Variants in UNC13C observed in about 807,000 individuals in gnomAD.
UNC13C encodes protein unc-13 homolog C.
In UNC13C, 174 loss-of-function variants were observed where a neutral mutation model predicts 245.4. The observed-to-expected ratio is 0.71, with a 90% CI of 0.63 to 0.80. The LOEUF is 0.80. Ranked by LOEUF, UNC13C falls within the 30% of genes least tolerant of loss-of-function variation. The probability of loss-of-function intolerance (pLI) is 0.00; values close to 1 mark genes in which losing one functional copy is unlikely to be tolerated. For synonymous variants in UNC13C, 992 were observed against 895.1 expected, an observed-to-expected ratio of 1.11 and a Z score of -1.93; for missense variants, 2,829 against 2,602.9, an observed-to-expected ratio of 1.09 and a Z score of -1.89.
chr15:54,299,003 G>A (rs1157551603), intron 12 of UNC13C, among the ~76,000 whole-genome samples: 1 of 152,068 alleles, frequency 6.6e-6, no homozygotes, highest in African/African-American at 2.4e-5. Context: ...CACGATTTAG[G>A]TATAGGACCT....
At chr15:54,285,805 C>T (rs2037129413) in intron 10 of UNC13C, among the ~76,000 whole-genome samples, 1 of 150,026 alleles carries the variant, frequency 6.7e-6, no homozygotes, top group South Asian at 2.1e-4. Context: ...ACGCTTATAG[C>T]TTATTTTAAT....
At chr15:54,505,442 A>T (rs560532653) in intron 22 of UNC13C, among the ~76,000 whole-genome samples, 1 of 152,320 alleles carries the variant, frequency 6.6e-6, no homozygotes, top group South Asian at 2.1e-4. Context: ...GTAATTTAGG[A>T]TAGGACCAAA....
chr15:53,845,068 GAAA>G, the UNC13C span, among the ~76,000 whole-genome samples: 1 of 152,142 alleles, frequency 6.6e-6, no homozygotes, highest in East Asian at 1.9e-4. Flanking sequence ...GCTCACGTCT[GAAA>G]TCCCAGCACT....
Position 54,070,432 on chromosome 15 carries a change from A to C in UNC13C, c.2983+54546A>C, listed in dbSNP as rs576766464. Among the ~76,000 whole-genome samples, 12 of 152,278 alleles carry C rather than the reference A, an allele frequency of 7.9e-5. No individual in the cohort carries two copies. In the East Asian group the frequency reaches 1.9e-3, roughly 24 times the overall value. Reference sequence around the variant, plus strand: ...TGCTACAGGGGCTTCAAGGCAGGCAAGTTACCACCAGCTGCAAGTAAAAGC... The same window carrying C: ...TGCTACAGGGGCTTCAAGGCAGGCACGTTACCACCAGCTGCAAGTAAAAGC... On this transcript the variant is annotated intron_variant, in intron 2 of 32. Coordinates refer to ENST00000260323, the MANE Select transcript of UNC13C (RefSeq NM_001080534.3).
intron 13 of UNC13C, among the ~76,000 whole-genome samples, chr15:54,307,201 C>T (rs1355508125): frequency 1.3e-5 from 2 of 151,936 alleles, no homozygotes; most frequent in Non-Finnish European, 2.9e-5. Flanking sequence ...ATTTATTTCT[C>T]ACAGTCCTGG....
intron 5 of UNC13C, among the ~76,000 whole-genome samples, chr15:54,235,372 A>G (rs1204998702): frequency 1.3e-5 from 2 of 152,214 alleles, no homozygotes; most frequent in African/African-American, 4.8e-5. Context: ...GAGCAAAAAG[A>G]AATCACACAG....
At chr15:54,203,735 TACATATATATGTATATATAC>T (rs199545584) in intron 4 of UNC13C, among the ~76,000 whole-genome samples, 23,911 of 144,440 alleles carry the variant, frequency 0.17, 2,375 homozygotes, top group Non-Finnish European at 0.22. Flanking sequence ...TATACACATA[TACATATATATGTATATATAC>T]ACATATATAT....
chr15:54,313,423 T>C (rs2037926073), intron 13 of UNC13C, among the ~76,000 whole-genome samples: 1 of 151,852 alleles, frequency 6.6e-6, no homozygotes, highest in Non-Finnish European at 1.5e-5. Flanking sequence ...GAAAACACTG[T>C]GCTAAATATG....
chr15:54,079,271 C>T (rs79494349), intron 2 of UNC13C, among the ~76,000 whole-genome samples: 3,795 of 151,942 alleles, frequency 0.025, 153 homozygotes, highest in African/African-American at 0.084. Context: ...TTCTTTTTTG[C>T]GTAGGATTAC....
At chr15:54,556,729 AT>A (rs1398668486) in intron 29 of UNC13C, among the ~76,000 whole-genome samples, 2 of 100,230 alleles carry the variant, frequency 2.0e-5, no homozygotes, top group African/African-American at 8.5e-5. Flanking sequence ...TAATAGCTTT[AT>A]AAAAGGACAT....
intron 19 of UNC13C, among the ~76,000 whole-genome samples, chr15:54,486,201 G>A (rs569037631): frequency 2.9e-4 from 44 of 149,834 alleles, no homozygotes; most frequent in South Asian, 1.7e-3. Flanking sequence ...CTTGAGGTTA[G>A]GAGTTTGAGA....
intron 12 of UNC13C, among the ~76,000 whole-genome samples, chr15:54,299,242 A>G (rs2037513220): frequency 6.6e-6 from 1 of 152,114 alleles, no homozygotes; most frequent in Non-Finnish European, 1.5e-5. Context: ...ATCTAAGAAA[A>G]AGTCCTTCAG....
the UNC13C span, among the ~76,000 whole-genome samples, chr15:53,917,794 CTA>C: frequency 6.6e-6 from 1 of 152,172 alleles, no homozygotes; most frequent in Admixed American, 6.5e-5. Flanking sequence ...GGATTTGAGA[CTA>C]TGTAAAATTC....
At chr15:54,609,846 A>G (rs924737107) in intron 30 of UNC13C, among the ~76,000 whole-genome samples, 1 of 152,198 alleles carries the variant, frequency 6.6e-6, no homozygotes, top group African/African-American at 2.4e-5. Context: ...GAAACTTACA[A>G]TCATGGCAGA....
chr15:54,156,492 G>T (rs1361177980), intron 4 of UNC13C, among the ~76,000 whole-genome samples: 1 of 152,098 alleles, frequency 6.6e-6, no homozygotes, highest in Admixed American at 6.5e-5. Context: ...AGTTATTCCA[G>T]AGTCACAGAG....
intron 10 of UNC13C, among the ~76,000 whole-genome samples, chr15:54,284,711 T>C (rs2037096628): frequency 6.6e-6 from 1 of 152,218 alleles, no homozygotes; most frequent in African/African-American, 2.4e-5. Flanking sequence ...TTAAGTGGTC[T>C]CTCTTTTCGT....
At chr15:54,065,669 G>A (rs913289861) in intron 2 of UNC13C, among the ~76,000 whole-genome samples, 1 of 152,206 alleles carries the variant, frequency 6.6e-6, no homozygotes, top group Non-Finnish European at 1.5e-5. Flanking sequence ...TTCACTTCCA[G>A]TTAGTGGGAG....
intron 1 of UNC13C, among the ~76,000 whole-genome samples, chr15:53,985,649 G>A (rs140402768): frequency 6.6e-6 from 1 of 151,940 alleles, no homozygotes; most frequent in Admixed American, 6.6e-5. Flanking sequence ...CACAACCACT[G>A]AAAGGCAGAA....
intron 2 of UNC13C, among the ~76,000 whole-genome samples, chr15:54,062,345 C>T (rs1210948396): frequency 6.6e-6 from 1 of 151,640 alleles, no homozygotes; most frequent in African/African-American, 2.4e-5. Context: ...AAAAAAATCT[C>T]CATCCTCTGT....
Sources: allele counts gnomAD v4.1 joint callset (sites outside exome capture counted in the v4.1 genomes callset), GRCh38; gene constraint gnomAD v4.1.1; transcripts MANE v1.5; gene names NCBI Gene and HGNC (gene_info 2026-07-23, HGNC 2026-07-21).